The following CADM2 variants were observed in gnomAD, a reference collection of about 807,000 sequenced individuals.
CADM2 encodes immunoglobulin superfamily member 4D.
In CADM2, 12 loss-of-function variants were observed where a neutral mutation model predicts 49.8. That is an observed-to-expected ratio of 0.24 (90% confidence interval 0.15 to 0.39). The LOEUF (loss-of-function observed/expected upper bound fraction) is 0.39. Ranked by LOEUF, CADM2 falls within the 10% of genes least tolerant of loss-of-function variation. CADM2 has a pLI of 1.00. For missense variants in CADM2, 378 were observed against 492.3 expected, an observed-to-expected ratio of 0.77 and a Z score of 2.20; for synonymous variants, 214 against 175.4, an observed-to-expected ratio of 1.22 and a Z score of -1.74.
At position 85,357,641 on chromosome 3, in the gene CADM2, C is replaced by G. The variant is rs2031984884; in HGVS notation, c.62-368881C>G. ...TAGATCTTCAGCCCTGTCTAATTTA[C>G]TCCCAAATCCATTCATCTTTATCAT... On this transcript the variant is annotated intron_variant, in intron 1 of 9. Coordinates refer to ENST00000383699, the MANE Select transcript of CADM2 (RefSeq NM_001167675.2). 2.0e-5 allele frequency among the ~76,000 whole-genome samples: 3 copies of G among 148,132 alleles called. No individual in the cohort carries two copies. In the South Asian group the frequency reaches 6.5e-4, roughly 32 times the overall value.
At chr3:85,544,190 G>T (rs746264335) in intron 1 of CADM2, among the ~76,000 whole-genome samples, 4 of 152,150 alleles carry the variant, frequency 2.6e-5, no homozygotes, top group Non-Finnish European at 5.9e-5. Flanking sequence ...ATGTAAAGGA[G>T]AGAAAAATTC....
At chr3:85,752,165 A>G (rs2068888355) in intron 2 of CADM2, among the ~76,000 whole-genome samples, 1 of 152,262 alleles carries the variant, frequency 6.6e-6, no homozygotes, top group Middle Eastern at 3.4e-3. Context: ...GATTTCCAAG[A>G]TAAGAAAGAG....
chr3:85,265,223 CA>C (rs1166871675), intron 1 of CADM2, among the ~76,000 whole-genome samples: 1 of 151,922 alleles, frequency 6.6e-6, no homozygotes, highest in Non-Finnish European at 1.5e-5. Context: ...CAAAATAATA[CA>C]TTAAAATATT....
At chr3:85,294,671 G>C (rs1200490203) in intron 1 of CADM2, among the ~76,000 whole-genome samples, 3 of 151,062 alleles carry the variant, frequency 2.0e-5, no homozygotes, top group South Asian at 4.2e-4. Flanking sequence ...ACAAACCTGA[G>C]AAAAACAAGC....
intron 1 of CADM2, among the ~76,000 whole-genome samples, chr3:85,410,097 G>T (rs988861112): frequency 3.3e-5 from 5 of 152,100 alleles, no homozygotes; most frequent in Non-Finnish European, 7.4e-5. Flanking sequence ...AGGAATACAG[G>T]CTGCCAAGTT....
chr3:85,332,910 A>C (rs1251486355), intron 1 of CADM2, among the ~76,000 whole-genome samples: 1 of 151,938 alleles, frequency 6.6e-6, no homozygotes, highest in African/African-American at 2.4e-5. Context: ...TATGAATTAC[A>C]GGATGAATTA....
intron 1 of CADM2, among the ~76,000 whole-genome samples, chr3:85,026,967 C>G (rs56808719): frequency 2.6e-5 from 4 of 151,598 alleles, no homozygotes; most frequent in African/African-American, 4.8e-5. Flanking sequence ...TATAGACTAA[C>G]GACAGCTAGG....
At chr3:85,411,381 T>G (rs1375623493) in intron 1 of CADM2, among the ~76,000 whole-genome samples, 1 of 152,178 alleles carries the variant, frequency 6.6e-6, no homozygotes, top group Non-Finnish European at 1.5e-5. Context: ...ATTTCAAATC[T>G]TATAACTTTT....
chr3:85,401,887 A>G (rs1435474500), intron 1 of CADM2, among the ~76,000 whole-genome samples: 1 of 151,980 alleles, frequency 6.6e-6, no homozygotes, highest in Non-Finnish European at 1.5e-5. Flanking sequence ...CCACTGCAAG[A>G]TGTTTGCCTG....
chr3:85,690,893 T>G (rs1559594963), intron 1 of CADM2, among the ~76,000 whole-genome samples: 1 of 152,352 alleles, frequency 6.6e-6, no homozygotes, highest in East Asian at 1.9e-4. Context: ...GTGCATCACC[T>G]TGTATATTTA....
At chr3:84,988,578 C>T (rs1052476840) in intron 1 of CADM2, among the ~76,000 whole-genome samples, 2 of 152,200 alleles carry the variant, frequency 1.3e-5, no homozygotes, top group African/African-American at 4.8e-5. Context: ...TATCATTATA[C>T]AGCTTGTCTT....
At chr3:85,232,664 G>A (rs1268197979) in intron 1 of CADM2, among the ~76,000 whole-genome samples, 1 of 151,490 alleles carries the variant, frequency 6.6e-6, no homozygotes, top group Non-Finnish European at 1.5e-5. Context: ...ATAAACATGT[G>A]AAAAAAAACA....
intron 1 of CADM2, among the ~76,000 whole-genome samples, chr3:85,507,159 GT>G (rs888986450): frequency 6.7e-6 from 1 of 149,546 alleles, no homozygotes; most frequent in African/African-American, 2.5e-5. Context: ...TTTAAGAAAG[GT>G]TTTTGCCCTG....
At chr3:85,243,679 T>A (rs1246886195) in intron 1 of CADM2, among the ~76,000 whole-genome samples, 4 of 152,020 alleles carry the variant, frequency 2.6e-5, no homozygotes, top group Non-Finnish European at 4.4e-5. Context: ...TAATGTCCAC[T>A]CAAACCAAGG....
chr3:85,396,263 TC>T lies in CADM2; in HGVS notation c.62-330258del, dbSNP rs374627670. Among the ~76,000 whole-genome samples the T allele has an allele frequency of 8.4e-4, 128 of 151,880 alleles. No individual in the cohort carries two copies. In the East Asian group the frequency reaches 0.022, roughly 26 times the overall value. Reference sequence around the variant, plus strand: ...TTGCTGCTTGTGATCTTAGTTTTTTTCTTGGCCAATTAGATGTCATTATTCA... The same window carrying T: ...TTGCTGCTTGTGATCTTAGTTTTTTTTTGGCCAATTAGATGTCATTATTCA... On this transcript the variant is annotated intron_variant, in intron 1 of 9. Transcript: ENST00000383699.
chr3:85,576,195 TAA>T (rs1048282273), intron 1 of CADM2, among the ~76,000 whole-genome samples: 11 of 152,280 alleles, frequency 7.2e-5, no homozygotes, highest in Non-Finnish European at 1.3e-4. Flanking sequence ...ATGTCTTCAA[TAA>T]AAAGTTATTT....
At chr3:85,066,150 A>AGACTACT (rs1158091673) in intron 1 of CADM2, among the ~76,000 whole-genome samples, 1 of 152,154 alleles carries the variant, frequency 6.6e-6, no homozygotes, top group Non-Finnish European at 1.5e-5. Context: ...TGGAAAGTAA[A>AGACTACT]TTCAGAAGAG....
At chr3:85,415,419 C>CCAA (rs1553720509) in intron 1 of CADM2, among the ~76,000 whole-genome samples, 4 of 145,366 alleles carry the variant, frequency 2.8e-5, no homozygotes, top group Non-Finnish European at 4.5e-5. Context: ...CAGCTTTTGC[C>CCAA]AAAAAAAAAA....
chr3:85,471,141 G>A (rs569377741), intron 1 of CADM2, among the ~76,000 whole-genome samples: 1 of 152,182 alleles, frequency 6.6e-6, no homozygotes, highest in Admixed American at 6.5e-5. Flanking sequence ...TAGCCTAAAA[G>A]TGAGCATTCC....
Sources: gnomAD v4.1 joint callset for allele counts (sites outside exome capture counted in the v4.1 genomes callset) on GRCh38, gnomAD v4.1.1 for gene constraint, MANE v1.5 for transcripts, NCBI Gene and HGNC (gene_info 2026-07-23, HGNC 2026-07-21) for gene names.